The following IL18BP variants were observed in gnomAD, a reference collection of about 807,000 sequenced individuals.
IL18BP encodes interleukin-18-binding protein.
Under a neutral mutation model 19.9 loss-of-function variants are expected in IL18BP, and 23 were observed. The observed-to-expected ratio is 1.15, with a 90% CI of 0.83 to 1.64. The LOEUF (loss-of-function observed/expected upper bound fraction) is 1.64. Among genes scored for constraint, IL18BP ranks in the 40% most tolerant of loss-of-function variants. IL18BP has a pLI of 0.00. For synonymous variants in IL18BP, 107 were observed against 101.0 expected (o/e 1.06, Z -0.35); for missense variants, 239 against 240.7 (o/e 0.99, Z 0.05).
intron 1 of IL18BP, chr11:71,999,534 T>TC (rs1955099758): frequency 4.7e-6 from 1 of 213,102 alleles, no homozygotes. Context: ...TGCTCAAGAT[T>TC]CCCTGGTTAA....
chr11:72,001,768 G>A lies in IL18BP; in HGVS notation c.508-16G>A. 1 of 1,614,128 alleles carries A rather than the reference G, an allele frequency of 6.2e-7. No individual in the cohort carries two copies. Among genetic ancestry groups the A allele is most frequent in the African/African-American group, 1.3e-5 (1 of 75,038 alleles). On this transcript the variant is annotated splice_polypyrimidine_tract_variant and intron_variant, in intron 5 of 5. Coordinates refer to ENST00000393703, the MANE Select transcript of IL18BP (RefSeq NM_001039660.2). ...CCTTTCCTTGGCCTGATCCTTGTCT[G>A]CCTTCACTTCCCTAGGCTGGGCTGA...
chr11:72,005,115 C>T (rs1358133044), downstream of IL18BP: 3 of 1,198,670 alleles, frequency 2.5e-6, no homozygotes, highest in Non-Finnish European at 2.3e-6. Context: ...GAGAAGGTCA[C>T]CCTCCCCCTC....
chr11:72,006,639 G>C (rs1183316465), downstream of IL18BP, among the ~76,000 whole-genome samples: 5 of 152,294 alleles, frequency 3.3e-5, no homozygotes, highest in South Asian at 1.0e-3. Flanking sequence ...GACTAGTCAG[G>C]CTCATCCCAC....
intron 2 of IL18BP, 53 bp from the exon 3 acceptor site, chr11:72,000,298 G>A (rs562152854): frequency 2.1e-5 from 31 of 1,499,756 alleles, no homozygotes; most frequent in Admixed American, 5.0e-5. Context: ...ATCCTTACCC[G>A]GGCAGCCCAC....
At chr11:72,004,093 G>C (rs199699067), downstream of IL18BP, 3 of 1,612,982 alleles carry the variant, frequency 1.9e-6, no homozygotes, top group Middle Eastern at 1.6e-4. Flanking sequence ...GACTGGCGCC[G>C]GTCAGCCTGC....
chr11:72,007,112 C>A, downstream of IL18BP: 1 of 1,545,988 alleles, frequency 6.5e-7, no homozygotes, highest in Non-Finnish European at 8.8e-7. Flanking sequence ...CTGCTCCTGA[C>A]TGAGTGCCCA....
downstream of IL18BP, chr11:72,006,231 G>A (rs1414053005): frequency 4.3e-6 from 7 of 1,614,086 alleles, no homozygotes; most frequent in Admixed American, 6.7e-5. Flanking sequence ...AGAACGATGA[G>A]TTGGCGCTGT....
downstream of IL18BP, chr11:72,006,312 C>T: frequency 2.0e-6 from 3 of 1,524,556 alleles, no homozygotes; most frequent in Non-Finnish European, 2.7e-6. Flanking sequence ...TGGCACTGTA[C>T]AGAAGCTTCC....
At position 72,001,877 on chromosome 11, in the gene IL18BP, C is replaced by T. The variant is rs556714937; in HGVS notation, c.*16C>T. On this transcript the variant is annotated 3_prime_UTR_variant, in exon 6 of 6. Coordinates refer to ENST00000393703, the MANE Select transcript of IL18BP (RefSeq NM_001039660.2). ...GCAGGGTTAAGACTCAGCACAGGGC[C>T]AGCAGCAGCACAACCTTGACCAGAG... is the stretch of plus-strand genomic sequence containing the variant. The T allele has an allele frequency of 7.4e-6, 12 of 1,614,088 alleles. No homozygotes were observed. In the South Asian group the frequency reaches 1.2e-4, roughly 16 times the overall value.
Position 72,001,407 on chromosome 11 carries a change from G to A in IL18BP, c.362G>A (p.Arg121Gln), listed in dbSNP as rs5743673. The A allele has an allele frequency of 4.3e-3, 6,974 of 1,614,050 alleles. 251 individuals are homozygous for A. In the African/African-American group the frequency reaches 0.083, roughly 19 times the overall value. The change falls in exon 5 of 6, where the codon CGG (arginine) becomes CAG (glutamine). Residue 121 changes from arginine (R) to glutamine (Q), a missense_variant and splice_region_variant. Arg to Gln is a conservative substitution (Grantham distance 43). Coordinates refer to ENST00000393703, the MANE Select transcript of IL18BP (RefSeq NM_001039660.2). ...PGRLWEGSTS[R>Q]ERGSTGTQLC... ...CCTTTCCTTCCCTTCCGCTCCAGCC[G>A]GGAACGTGGGAGCACAGGTACGCAG...
chr11:72,001,938 CCT>C lies in IL18BP; in HGVS notation c.*78_*79del, dbSNP rs1955274405. ...ACCTGTCTACCTGGAGTGAACAGTC[CCT>C]GACTGCCTGTAGGCTGCGTGGATGC... On this transcript the variant is annotated 3_prime_UTR_variant, in exon 6 of 6. Transcript: ENST00000393703. The C allele has an allele frequency of 1.9e-6, 3 of 1,595,128 alleles. No individual in the cohort carries two copies. Among genetic ancestry groups the C allele is most frequent in the Non-Finnish European group, 2.6e-6 (3 of 1,169,964 alleles).
intron 2 of IL18BP, 150 bp downstream of exon 2, chr11:72,000,162 C>T (rs1023552850): frequency 6.3e-6 from 6 of 945,154 alleles, no homozygotes; most frequent in Non-Finnish European, 9.8e-6. Flanking sequence ...GATATTGTAG[C>T]TCTGGCTCCA....
chr11:72,001,280 C>T lies in IL18BP; in HGVS notation c.315C>T (p.Ser105=), dbSNP rs781707273. 4 of 1,614,230 alleles carry T rather than the reference C, an allele frequency of 2.5e-6. No individual in the cohort carries two copies. In the Admixed American group the frequency reaches 5.0e-5, roughly 20 times the overall value. ...TCCTCTACTGGCTGGGCAATGGTTC[C>T]TTCATTGAGCACCTCCCAGGCCGAC... ...FSILYWLGNG[S]FIEHLPGRLW... Residue 105 remains serine (S), a synonymous_variant, in exon 4 of 6, where the codon TCC becomes TCT. Transcript: ENST00000393703.
downstream of IL18BP, chr11:72,004,051 T>G (rs996647613): frequency 1.1e-5 from 17 of 1,613,408 alleles, no homozygotes; most frequent in Non-Finnish European, 1.4e-5. Flanking sequence ...TTCCCTAGCT[T>G]CTTGGGTGTG....
chr11:72,006,200 C>G (rs150929452), downstream of IL18BP: 41 of 1,614,046 alleles, frequency 2.5e-5, no homozygotes, highest in Admixed American at 5.0e-5. Flanking sequence ...GCCTGGGAAG[C>G]AGGAGCAGAC....
chr11:72,003,695 G>T, downstream of IL18BP: 1 of 1,056,242 alleles, frequency 9.5e-7, no homozygotes. Flanking sequence ...GAGCAGCTCT[G>T]GGTGCTCTCC....
rs373214332 is a variant in IL18BP, at chr11:72,001,409, G to C, written c.364G>C (p.Glu122Gln). The change falls in exon 5 of 6, where the codon GAA (glutamate) becomes CAA (glutamine). Residue 122 changes from glutamate to glutamine, a missense_variant. By Grantham distance (29) the Glu-to-Gln change is conservative. Coordinates refer to ENST00000393703, the MANE Select transcript of IL18BP (RefSeq NM_001039660.2). The part of the protein sequence containing the change: ...GRLWEGSTSR[E>Q]RGSTGTQLCK... ...TTTCCTTCCCTTCCGCTCCAGCCGG[G>C]AACGTGGGAGCACAGGTACGCAGCT... 43 of 1,613,998 alleles carry C rather than the reference G, an allele frequency of 2.7e-5. No homozygotes were observed. Among genetic ancestry groups the C allele is most frequent in the Non-Finnish European group, 3.5e-5 (41 of 1,179,940 alleles).
At chr11:71,999,877 T>C (rs1016830261) in intron 1 of IL18BP, 50 bp from the exon 2 acceptor site, 3 of 1,140,298 alleles carry the variant, frequency 2.6e-6, no homozygotes, top group Non-Finnish European at 3.8e-6. Flanking sequence ...AGCCAGCTAC[T>C]GAGAAAAAGC....
intron 3 of IL18BP, 148 bp from the exon 4 acceptor site, chr11:72,001,053 C>T (rs536800131): frequency 3.3e-5 from 29 of 877,254 alleles, no homozygotes; most frequent in Middle Eastern, 2.8e-4. Context: ...ACTTCTGTAA[C>T]GGACGTTCCC....
Sources: gnomAD v4.1 joint callset for allele counts (sites outside exome capture counted in the v4.1 genomes callset) on GRCh38, gnomAD v4.1.1 for gene constraint, MANE v1.5 for transcripts, NCBI Gene and HGNC (gene_info 2026-07-23, HGNC 2026-07-21) for gene names.